Variants in PREPL observed in about 807,000 individuals in gnomAD.
PREPL encodes the protein prolyl endopeptidase-like.
Under a neutral mutation model 70.6 loss-of-function variants are expected in PREPL, and 77 were observed. The ratio of observed to expected loss-of-function variants is 1.09; its 90% CI spans 0.91 to 1.32. The LOEUF is 1.32. PREPL is among the 40% of genes most tolerant of loss of function. The pLI is 0.00. For missense variants in PREPL, 1,002 were observed against 778.2 expected, an observed-to-expected ratio of 1.29 and a Z score of -3.42; for synonymous variants, 315 against 264.8, an observed-to-expected ratio of 1.19 and a Z score of -1.84.
chr2:44,347,309 A>G (rs1675933765), intron 1 of PREPL: 1 of 152,214 alleles, frequency 6.6e-6, no homozygotes, highest in South Asian at 2.1e-4. Flanking sequence ...GCACTCCAGC[A>G]TGCAGAGTGA....
At chr2:44,360,447 G>C (rs915649358) in intron 1 of PREPL, 1 of 152,150 alleles carries the variant, frequency 6.6e-6, no homozygotes, top group Non-Finnish European at 1.5e-5. Flanking sequence ...TCCAAATACT[G>C]GACATACTCA....
At chr2:44,348,030 T>G (rs1288285819) in intron 1 of PREPL, among the ~76,000 whole-genome samples, 2 of 152,166 alleles carry the variant, frequency 1.3e-5, no homozygotes, top group Admixed American at 1.3e-4. Context: ...TCTCAATCAT[T>G]TAGCCTCTAC....
chr2:44,345,108 T>A (rs1368551808), intron 2 of PREPL, among the ~76,000 whole-genome samples: 1 of 152,200 alleles, frequency 6.6e-6, no homozygotes, highest in Non-Finnish European at 1.5e-5. Context: ...GGGTGACAAA[T>A]ACAATTTGAA....
Position 44,332,644 on chromosome 2 carries a change from C to G in PREPL, c.901G>C (p.Ala301Pro), listed in dbSNP as rs1458362526. The G allele has an allele frequency of 1.2e-6, 2 of 1,611,748 alleles. No homozygotes were observed. Among genetic ancestry groups the G allele is most frequent in the Non-Finnish European group, 1.7e-6 (2 of 1,178,782 alleles). ...TTTGTATCCATTATGAATCCACAGG[C>G]CCAAGGAGGGAGCTAAAGAAATACA... ...SVRSLKLPPW[A>P]CGFIMDTNSD... Residue 301 changes from alanine (A) to proline (P), a missense_variant, in exon 8 of 14, where the codon GCC becomes CCC. Coordinates refer to ENST00000409411, the MANE Select transcript of PREPL (RefSeq NM_001171613.2).
intron 4 of PREPL, 77 bp downstream of exon 4, chr2:44,343,668 C>T (rs1415099153): frequency 7.3e-6 from 10 of 1,363,634 alleles, no homozygotes; most frequent in Non-Finnish European, 1.0e-5. Flanking sequence ...CTCCCTCCCT[C>T]ACATGCGACA....
At chr2:44,328,650 G>C (rs1242942547) in intron 9 of PREPL, among the ~76,000 whole-genome samples, 1 of 152,044 alleles carries the variant, frequency 6.6e-6, no homozygotes, top group East Asian at 1.9e-4. Flanking sequence ...TTCAGATTCA[G>C]AGGCTACTTA....
rs1672798143 is a variant in PREPL, at chr2:44,320,122, CCTTACAATATATTAAAAATA to C, written c.*1214_*1233del. The C allele has an allele frequency of 8.4e-6, 11 of 1,310,908 alleles. No homozygotes were observed. The highest frequency in any genetic ancestry group is 1.2e-5 in the Non-Finnish European group (11 of 941,782). The allele number at this position is 1,310,908 out of a possible 1,614,324, so 81.2% of individuals were successfully genotyped here. On this transcript the variant is annotated 3_prime_UTR_variant, in exon 14 of 14. Coordinates refer to ENST00000409411, the MANE Select transcript of PREPL (RefSeq NM_001171613.2). ...GAGCAAGTGTTTTGGGTAAATAACT[CCTTACAATATATTAAAAATA>C]CTTACAAACAATTCTTAGAATCAAA...
intron 1 of PREPL, among the ~76,000 whole-genome samples, chr2:44,352,084 C>T (rs1460708149): frequency 6.6e-6 from 1 of 152,196 alleles, no homozygotes; most frequent in East Asian, 1.9e-4. Context: ...TGCCCAAATA[C>T]CTCCTTAAAG....
chr2:44,321,883 T>C lies in PREPL; in HGVS notation c.1771A>G (p.Ile591Val), dbSNP rs752934260. The C allele has an allele frequency of 5.6e-6, 9 of 1,613,376 alleles. No homozygotes were observed. Among genetic ancestry groups the C allele is most frequent in the Admixed American group, 3.3e-5 (2 of 59,960 alleles). The change falls in exon 13 of 14, where the codon ATT becomes GTT. Residue 591 changes from isoleucine (I) to valine (V), a missense_variant. By Grantham distance (29) the Ile-to-Val change is conservative (BLOSUM62 3). Coordinates refer to ENST00000409411, the MANE Select transcript of PREPL (RefSeq NM_001171613.2). ...DTGEGYQTPN[I>V]ILDIQPGGNH... ...CCTCCAGGCTGAATATCTAGAATAA[T>C]ATTAGGGGTCTGATAGCCTGGAAGA...
At chr2:44,331,406 G>A (rs979245254) in intron 8 of PREPL, among the ~76,000 whole-genome samples, 6 of 152,008 alleles carry the variant, frequency 3.9e-5, no homozygotes, top group Admixed American at 3.9e-4. Context: ...AGTAGAGATG[G>A]GGTTTCACCA....
rs1672689788 is a variant in PREPL, at chr2:44,319,014, T to A, written c.*2342A>T. The A allele has an allele frequency of 6.6e-6, 1 of 152,214 alleles. No individual in the cohort carries two copies. The highest frequency in any genetic ancestry group is 1.5e-5 in the Non-Finnish European group (1 of 68,044). The allele number at this position is 152,214 out of a possible 1,614,324, so 9.4% of individuals were successfully genotyped here. On this transcript the variant is annotated 3_prime_UTR_variant, in exon 14 of 14. Coordinates refer to ENST00000409411, the MANE Select transcript of PREPL (RefSeq NM_001171613.2). Reference sequence around the variant, plus strand: ...TAATAGCTAACACTTACCGGGCACTTCTTATGTGAGTGGCACTGAAACATG... The same window carrying A: ...TAATAGCTAACACTTACCGGGCACTACTTATGTGAGTGGCACTGAAACATG...
chr2:44,355,090 T>C (rs929551577), intron 1 of PREPL, among the ~76,000 whole-genome samples: 2 of 152,244 alleles, frequency 1.3e-5, no homozygotes, highest in African/African-American at 4.8e-5. Context: ...ATAAAGATCA[T>C]AATAGCTTTG....
chr2:44,327,897 G>A (rs562114794), intron 9 of PREPL, among the ~76,000 whole-genome samples: 1 of 151,714 alleles, frequency 6.6e-6, no homozygotes, highest in Middle Eastern at 3.4e-3. Context: ...AAAATAAAAG[G>A]ACATGATTTT....
Position 44,326,792 on chromosome 2 carries a change from T to C in PREPL, c.1399A>G (p.Thr467Ala), listed in dbSNP as rs1398977326. ...AGCACCCCTCCAGCACTGAAAGCAG[T>C]CAGGGTTGTTAGACTTGGCTGAGAA... ...GFSQPSLTTLTAFSAGGVLAG... is the reference protein window; with the variant it reads ...GFSQPSLTTLAAFSAGGVLAG... The change falls in exon 10 of 14, where the codon ACT becomes GCT. Residue 467 changes from threonine to alanine, a missense_variant. Thr to Ala is a moderately conservative substitution (Grantham distance 58, BLOSUM62 0). Coordinates refer to ENST00000409411, the MANE Select transcript of PREPL (RefSeq NM_001171613.2). The C allele has an allele frequency of 6.2e-7, 1 of 1,614,012 alleles. No homozygotes were observed. Among genetic ancestry groups the C allele is most frequent in the East Asian group, 2.2e-5 (1 of 44,900 alleles).
At chr2:44,340,739 C>T (rs1394209074) in intron 5 of PREPL, among the ~76,000 whole-genome samples, 1 of 151,958 alleles carries the variant, frequency 6.6e-6, no homozygotes, top group East Asian at 1.9e-4. Context: ...ACCACCCTGG[C>T]CAACATGGTG....
intron 10 of PREPL, among the ~76,000 whole-genome samples, chr2:44,324,868 G>GA (rs1465460708): frequency 6.6e-6 from 1 of 152,004 alleles, no homozygotes; most frequent in Non-Finnish European, 1.5e-5. Flanking sequence ...CAGCCTGGGT[G>GA]AAAGAGCAAA....
At chr2:44,354,305 G>A (rs1162181102) in intron 1 of PREPL, among the ~76,000 whole-genome samples, 1 of 152,148 alleles carries the variant, frequency 6.6e-6, no homozygotes, top group Non-Finnish European at 1.5e-5. Flanking sequence ...CTATAAACAC[G>A]TTGCTTATCT....
chr2:44,331,109 A>G (rs537183420), intron 8 of PREPL, among the ~76,000 whole-genome samples: 2 of 152,224 alleles, frequency 1.3e-5, no homozygotes, highest in South Asian at 2.1e-4. Flanking sequence ...TGCCTGGCTA[A>G]TATTTTTGGT....
chr2:44,321,272 T>C lies in PREPL; in HGVS notation c.*84A>G. On this transcript the variant is annotated 3_prime_UTR_variant, in exon 14 of 14. Coordinates refer to ENST00000409411, the MANE Select transcript of PREPL (RefSeq NM_001171613.2). ...TTAATAACTTAAAAGTCTCAAGTTATTAATTTTTTTTTTGCTAACTCAATT... is the reference window on the plus strand; with the variant it reads ...TTAATAACTTAAAAGTCTCAAGTTACTAATTTTTTTTTTGCTAACTCAATT... 8.5e-7 allele frequency: 1 copy of C among 1,170,780 alleles called. No individual in the cohort carries two copies. The highest frequency in any genetic ancestry group is 1.2e-6 in the Non-Finnish European group (1 of 821,550). The allele number at this position is 1,170,780 out of a possible 1,614,324, so 72.5% of individuals were successfully genotyped here. A position where few individuals can be genotyped will look rare whatever the true frequency, so the allele number is the denominator to read the frequency against.
Sources: gnomAD v4.1 joint callset for allele counts (sites outside exome capture counted in the v4.1 genomes callset) on GRCh38, gnomAD v4.1.1 for gene constraint, MANE v1.5 for transcripts, NCBI Gene and HGNC (gene_info 2026-07-23, HGNC 2026-07-21) for gene names.